Variants in CDC42BPA observed in about 807,000 individuals in gnomAD.
The protein encoded by CDC42BPA is serine/threonine-protein kinase MRCK alpha.
In CDC42BPA, 80 loss-of-function variants were observed where a neutral mutation model predicts 223.5. The ratio of observed to expected loss-of-function variants is 0.36; its 90% CI spans 0.30 to 0.43. The LOEUF (loss-of-function observed/expected upper bound fraction) is 0.43. Among genes scored for constraint, CDC42BPA ranks in the 20% least tolerant of loss-of-function variants. The pLI is 1.00. For synonymous variants in CDC42BPA, 694 were observed against 718.6 expected (o/e 0.97, Z 0.55); for missense variants, 1,743 against 2,099.9 (o/e 0.83, Z 3.32).
At chr1:227,262,047 G>GA (rs146080152) in intron 1 of CDC42BPA, among the ~76,000 whole-genome samples, 22,724 of 151,612 alleles carry the variant, frequency 0.15, 2,052 homozygotes, top group African/African-American at 0.24. Flanking sequence ...GCTCACAATT[G>GA]AAAAAAAATT....
chr1:227,210,172 C>T (rs1034068829), intron 3 of CDC42BPA, among the ~76,000 whole-genome samples: 11 of 152,140 alleles, frequency 7.2e-5, no homozygotes, highest in Non-Finnish European at 1.5e-4. Flanking sequence ...AATAGTGCCG[C>T]AATAAACATA....
chr1:227,276,475 G>T (rs919026988), intron 1 of CDC42BPA, among the ~76,000 whole-genome samples: 20 of 150,940 alleles, frequency 1.3e-4, no homozygotes, highest in Non-Finnish European at 2.2e-4. Context: ...CGCTCGGCCA[G>T]CCGCCCCGTT....
intron 14 of CDC42BPA, among the ~76,000 whole-genome samples, chr1:227,101,790 T>C (rs934546309): frequency 1.1e-4 from 17 of 152,000 alleles, no homozygotes; most frequent in African/African-American, 4.1e-4. Flanking sequence ...AAAAAAACGG[T>C]AGGTCTCTTC....
At chr1:227,154,978 C>A (rs1354220168) in intron 6 of CDC42BPA, among the ~76,000 whole-genome samples, 1 of 152,066 alleles carries the variant, frequency 6.6e-6, no homozygotes, top group Non-Finnish European at 1.5e-5. Context: ...AAACACCTCA[C>A]CATCAGAAAT....
chr1:227,029,279 A>C, intron 29 of CDC42BPA, 29 bp from the exon 30 acceptor site: 1 of 1,383,226 alleles, frequency 7.2e-7, no homozygotes, highest in Non-Finnish European at 9.8e-7. Context: ...ATAAATCAAA[A>C]TATAGTTTTA....
At chr1:227,259,476 G>T (rs774701003) in intron 1 of CDC42BPA, among the ~76,000 whole-genome samples, 1 of 151,028 alleles carries the variant, frequency 6.6e-6, no homozygotes, top group East Asian at 1.9e-4. Flanking sequence ...CCTTATTCCC[G>T]GTGTTCTGGC....
At chr1:227,071,721 C>T (rs1414849186) in intron 20 of CDC42BPA, among the ~76,000 whole-genome samples, 1 of 118,038 alleles carries the variant, frequency 8.5e-6, no homozygotes, top group Non-Finnish European at 1.7e-5. Flanking sequence ...CCCACCCCCC[C>T]CCCCCCAATT....
intron 5 of CDC42BPA, among the ~76,000 whole-genome samples, chr1:227,163,103 AACATAT>A (rs1558650181): frequency 3.9e-5 from 4 of 102,798 alleles, no homozygotes. Context: ...TGTGTTTCCA[AACATAT>A]ATGTGTGTAT....
At chr1:227,313,260 C>G (rs16847631) in intron 1 of CDC42BPA, among the ~76,000 whole-genome samples, 46,744 of 151,986 alleles carry the variant, frequency 0.31, 7,368 homozygotes, top group East Asian at 0.37. Context: ...TACCTAAGTT[C>G]ACTCTACTTT....
At chr1:227,151,723 G>A (rs1314372647) in intron 6 of CDC42BPA, among the ~76,000 whole-genome samples, 2 of 151,912 alleles carry the variant, frequency 1.3e-5, no homozygotes, top group Non-Finnish European at 2.9e-5. Flanking sequence ...GTGATGTTGA[G>A]CACCTTTTCA....
intron 1 of CDC42BPA, among the ~76,000 whole-genome samples, chr1:227,281,618 G>A (rs995015096): frequency 1.3e-5 from 2 of 152,176 alleles, no homozygotes; most frequent in Non-Finnish European, 2.9e-5. Context: ...CAGAGGTAGT[G>A]GGACCTGGAG....
intron 5 of CDC42BPA, among the ~76,000 whole-genome samples, chr1:227,177,432 G>C (rs891968594): frequency 9.9e-5 from 15 of 151,908 alleles, no homozygotes; most frequent in African/African-American, 3.6e-4. Flanking sequence ...TTACCTTTTA[G>C]CCCCCGTGGT....
chr1:227,133,973 G>GAATAATAAATA (rs1657949992), intron 10 of CDC42BPA, among the ~76,000 whole-genome samples: 1 of 146,288 alleles, frequency 6.8e-6, no homozygotes, highest in African/African-American at 2.5e-5. Flanking sequence ...AAAAATAAAT[G>GAATAATAAATA]AATAAATAAA....
chr1:227,030,422 T>G lies in CDC42BPA; in HGVS notation c.3824A>C (p.His1275Pro). ...TTTTCTCTTACCATCTTTGGTGACA[T>G]GTACAACAAATAACCCTTCTTCGTT... Reference protein sequence around the residue: ...LGNEEGLFVVHVTKDEIIRVG... With the variant: ...LGNEEGLFVVPVTKDEIIRVG... Residue 1275 changes from histidine to proline, a missense_variant, in exon 29 of 37, where the codon CAT (histidine) becomes CCT (proline). Coordinates refer to ENST00000366766, the MANE Select transcript of CDC42BPA (RefSeq NM_001394014.1). The G allele has an allele frequency of 1.9e-6, 3 of 1,597,478 alleles. No individual in the cohort carries two copies. Among genetic ancestry groups the G allele is most frequent in the Non-Finnish European group, 1.7e-6 (2 of 1,171,864 alleles).
At chr1:227,221,368 T>C (rs1417107131) in intron 2 of CDC42BPA, among the ~76,000 whole-genome samples, 2 of 152,206 alleles carry the variant, frequency 1.3e-5, no homozygotes, top group Non-Finnish European at 2.9e-5. Context: ...TTATTTGTAG[T>C]TGCCTACTGG....
intron 1 of CDC42BPA, among the ~76,000 whole-genome samples, chr1:227,295,824 A>AATT (rs1393116613): frequency 6.6e-6 from 1 of 152,218 alleles, no homozygotes; most frequent in Admixed American, 6.5e-5. Flanking sequence ...GACGGGAATA[A>AATT]AGTGGGGAAA....
At chr1:227,196,892 C>T (rs1373484864) in intron 4 of CDC42BPA, among the ~76,000 whole-genome samples, 2 of 152,032 alleles carry the variant, frequency 1.3e-5, no homozygotes, top group South Asian at 2.1e-4. Flanking sequence ...TCATTATATT[C>T]TAGTGTTATG....
intron 1 of CDC42BPA, among the ~76,000 whole-genome samples, chr1:227,254,625 A>G (rs894475596): frequency 1.3e-5 from 2 of 152,256 alleles, no homozygotes; most frequent in African/African-American, 4.8e-5. Context: ...TATACAAAGC[A>G]TGGTGGCAAT....
At chr1:227,284,128 T>C (rs894902870) in intron 1 of CDC42BPA, among the ~76,000 whole-genome samples, 1 of 152,234 alleles carries the variant, frequency 6.6e-6, no homozygotes, top group Admixed American at 6.5e-5. Flanking sequence ...AACCATAAAC[T>C]ATCTTCTATT....
Sources: gnomAD v4.1 joint callset for allele counts (sites outside exome capture counted in the v4.1 genomes callset) on GRCh38, gnomAD v4.1.1 for gene constraint, MANE v1.5 for transcripts, NCBI Gene and HGNC (gene_info 2026-07-23, HGNC 2026-07-21) for gene names.